NKAIN3: variants seen among roughly 807,000 people sequenced by gnomAD.
NKAIN3 encodes sodium/potassium transporting ATPase interacting 3, also known as sodium/potassium-transporting ATPase subunit beta-1-interacting protein 3.
Under a neutral mutation model 30.2 loss-of-function variants are expected in NKAIN3, and 25 were observed. The ratio of observed to expected loss-of-function variants is 0.83; its 90% CI spans 0.60 to 1.16. The LOEUF (loss-of-function observed/expected upper bound fraction) is 1.16, where lower values mean the gene tolerates loss of function less well. Among genes scored for constraint, NKAIN3 ranks in the 50% most tolerant of loss-of-function variants. NKAIN3 has a pLI of 0.00. For synonymous variants in NKAIN3, 91 were observed against 89.6 expected (o/e 1.02, Z -0.09); for missense variants, 225 against 254.1 (o/e 0.89, Z 0.78).
At chr8:62,946,579 T>C (rs1468307046) in intron 5 of NKAIN3, among the ~76,000 whole-genome samples, 1 of 152,204 alleles carries the variant, frequency 6.6e-6, no homozygotes, top group African/African-American at 2.4e-5. Context: ...CCTCTCTGTG[T>C]GAACTAAGTT....
At chr8:62,322,303 C>T (rs555702255) in intron 1 of NKAIN3, among the ~76,000 whole-genome samples, 178 of 152,236 alleles carry the variant, frequency 1.2e-3, no homozygotes, top group African/African-American at 3.9e-3. Flanking sequence ...TGCCCTGGTT[C>T]GGCTCACGCT....
At chr8:62,413,635 G>A (rs777785334) in intron 1 of NKAIN3, among the ~76,000 whole-genome samples, 1 of 151,958 alleles carries the variant, frequency 6.6e-6, no homozygotes, top group Non-Finnish European at 1.5e-5. Context: ...ACACATTCAA[G>A]GAAAAAACTA....
intron 4 of NKAIN3, among the ~76,000 whole-genome samples, chr8:62,770,106 T>C (rs2130634170): frequency 6.6e-6 from 1 of 152,308 alleles, no homozygotes; most frequent in Admixed American, 6.5e-5. Flanking sequence ...ATTCCCATGA[T>C]TATTTTACAT....
At chr8:62,593,998 T>G (rs1810739427) in intron 3 of NKAIN3, among the ~76,000 whole-genome samples, 1 of 152,022 alleles carries the variant, frequency 6.6e-6, no homozygotes, top group Non-Finnish European at 1.5e-5. Context: ...CTCCCTTGGC[T>G]ATTGTTAAGA....
At chr8:62,517,226 A>G (rs1647694613) in intron 1 of NKAIN3, among the ~76,000 whole-genome samples, 1 of 152,156 alleles carries the variant, frequency 6.6e-6, no homozygotes, top group African/African-American at 2.4e-5. Context: ...TGTTGACGCA[A>G]GTACTGTTTT....
chr8:62,792,642 AGT>A (rs904925664), intron 4 of NKAIN3, among the ~76,000 whole-genome samples: 1 of 91,508 alleles, frequency 1.1e-5, no homozygotes, highest in Non-Finnish European at 2.6e-5. Flanking sequence ...ACTAACATAA[AGT>A]TAGAGGACCA....
intron 1 of NKAIN3, among the ~76,000 whole-genome samples, chr8:62,374,560 G>T (rs1377582499): frequency 1.3e-5 from 2 of 152,198 alleles, no homozygotes; most frequent in African/African-American, 4.8e-5. Flanking sequence ...AACTGTGAGT[G>T]TGAACCATGA....
At chr8:62,659,852 G>A (rs1414159950) in intron 3 of NKAIN3, among the ~76,000 whole-genome samples, 1 of 152,090 alleles carries the variant, frequency 6.6e-6, no homozygotes, top group African/African-American at 2.4e-5. Flanking sequence ...ACATCTGATG[G>A]TTCTAAAAAG....
chr8:62,475,372 C>G (rs1447116991), intron 1 of NKAIN3, among the ~76,000 whole-genome samples: 1 of 152,182 alleles, frequency 6.6e-6, no homozygotes, highest in Non-Finnish European at 1.5e-5. Context: ...TCCATCCCAG[C>G]CCTGCTCTTC....
intron 3 of NKAIN3, among the ~76,000 whole-genome samples, chr8:62,605,500 G>A (rs1486113777): frequency 1.3e-5 from 2 of 151,850 alleles, no homozygotes; most frequent in African/African-American, 2.4e-5. Flanking sequence ...GCTACATTCA[G>A]TTGTTGCCCC....
chr8:62,295,283 T>G (rs566625839), intron 1 of NKAIN3, among the ~76,000 whole-genome samples: 2 of 152,268 alleles, frequency 1.3e-5, no homozygotes, highest in East Asian at 3.9e-4. Flanking sequence ...TGTGGCAGTA[T>G]AAGTGTTAGA....
In NKAIN3 at chr8:62,743,336, A is replaced by G. The variant is rs904882222; in HGVS notation, c.274-3596A>G. ...TCTAGTACTGAAATAGATAGAAATCAGACACAAACTTTAGATAAAATGTTA... is the reference window on the plus strand; with the variant it reads ...TCTAGTACTGAAATAGATAGAAATCGGACACAAACTTTAGATAAAATGTTA... On this transcript the variant is annotated intron_variant, in intron 3 of 6. Coordinates refer to ENST00000623646, the MANE Select transcript of NKAIN3 (RefSeq NM_001304533.3). Among the ~76,000 whole-genome samples the G allele has an allele frequency of 4.6e-5, 7 of 152,246 alleles. No homozygotes were observed. In the East Asian group the frequency reaches 5.8e-4, roughly 13 times the overall value.
Position 62,973,732 on chromosome 8 carries a change from CTT to C in NKAIN3, c.*8327_*8328del, listed in dbSNP as rs1377120039. On this transcript the variant is annotated 3_prime_UTR_variant, in exon 7 of 7. Transcript: ENST00000623646. ...GCTTTTGGTGTTTCAGTCATGAAGTCTTTGCCCATGCCTGTGTCCTGAATGGT... is the reference window on the plus strand; with the variant it reads ...GCTTTTGGTGTTTCAGTCATGAAGTCTGCCCATGCCTGTGTCCTGAATGGT... Among the ~76,000 whole-genome samples, 3 of 152,164 alleles carry C rather than the reference CTT, an allele frequency of 2.0e-5. No homozygotes were observed. Among genetic ancestry groups the C allele is most frequent in the African/African-American group, 4.8e-5 (2 of 41,440 alleles).
intron 1 of NKAIN3, among the ~76,000 whole-genome samples, chr8:62,429,680 C>T (rs927466817): frequency 1.3e-5 from 2 of 151,756 alleles, no homozygotes; most frequent in African/African-American, 4.8e-5. Context: ...CTACTTTCTG[C>T]CACTTTTGTC....
intron 1 of NKAIN3, among the ~76,000 whole-genome samples, chr8:62,366,234 T>C (rs1489006996): frequency 2.0e-5 from 3 of 151,430 alleles, no homozygotes; most frequent in African/African-American, 7.3e-5. Context: ...TTTTTTTTTT[T>C]TTTTTTTATT....
chr8:62,470,236 A>G (rs1806288580), intron 1 of NKAIN3, among the ~76,000 whole-genome samples: 1 of 152,202 alleles, frequency 6.6e-6, no homozygotes, highest in African/African-American at 2.4e-5. Flanking sequence ...TATAGATGGC[A>G]GTTCTAGTGC....
At chr8:62,536,473 T>C (rs10107891) in intron 1 of NKAIN3, among the ~76,000 whole-genome samples, 14,585 of 152,098 alleles carry the variant, frequency 0.096, 823 homozygotes, top group East Asian at 0.22. Context: ...AGTGGATTTA[T>C]TGAATTACAT....
intron 5 of NKAIN3, among the ~76,000 whole-genome samples, chr8:62,942,472 A>G (rs191126374): frequency 8.6e-5 from 13 of 151,498 alleles, no homozygotes; most frequent in South Asian, 2.1e-4. Flanking sequence ...TACAAATTCA[A>G]TGCAATTCCC....
intron 3 of NKAIN3, among the ~76,000 whole-genome samples, chr8:62,626,217 G>C (rs767634847): frequency 2.6e-5 from 4 of 152,018 alleles, no homozygotes; most frequent in Non-Finnish European, 5.9e-5. Context: ...ATCTCAGACA[G>C]GCCCTTCAGA....
Sources: gnomAD v4.1 joint callset for allele counts (sites outside exome capture counted in the v4.1 genomes callset) on GRCh38, gnomAD v4.1.1 for gene constraint, MANE v1.5 for transcripts, NCBI Gene and HGNC (gene_info 2026-07-23, HGNC 2026-07-21) for gene names.